Variants in FHIP2A observed in about 807,000 individuals in gnomAD.
FHIP2A encodes family with sequence similarity 160 member B1.
A neutral mutation model predicts 93.5 loss-of-function variants in FHIP2A; 46 were observed. That is an observed-to-expected ratio of 0.49 (90% CI 0.39 to 0.63). FHIP2A has a LOEUF of 0.63. FHIP2A is among the 20% of genes least tolerant of loss of function. The pLI is 0.00. For missense variants in FHIP2A, 769 were observed against 909.7 expected (o/e 0.85, Z 1.99); for synonymous variants, 332 against 326.5 (o/e 1.02, Z -0.18).
intron 6 of FHIP2A, 84 bp downstream of exon 6, chr10:114,843,310 TTA>T: frequency 1.0e-6 from 1 of 975,212 alleles, no homozygotes. Flanking sequence ...AATTTTTAAT[TTA>T]TTTTTTTTTT....
At chr10:114,828,172 A>G (rs942774364) in intron 1 of FHIP2A, among the ~76,000 whole-genome samples, 6 of 152,170 alleles carry the variant, frequency 3.9e-5, no homozygotes, top group African/African-American at 1.4e-4. Context: ...GCAATTGAGA[A>G]CTGTTTAACT....
At chr10:114,847,747 C>A (rs1047703676) in intron 12 of FHIP2A, among the ~76,000 whole-genome samples, 1 of 141,230 alleles carries the variant, frequency 7.1e-6, no homozygotes, top group Non-Finnish European at 1.6e-5. Context: ...TTCCCTCCCC[C>A]ACCTTTTTTT....
chr10:114,891,535 ATATGTGTGTGTGTGTGTG>A (rs2083974068), intron 16 of FHIP2A, among the ~76,000 whole-genome samples: 1 of 126,438 alleles, frequency 7.9e-6, no homozygotes, highest in Admixed American at 8.9e-5. Context: ...ATATATATAT[ATATGTGTGTGTGTGTGTG>A]TGTGTGTGTG....
chr10:114,857,259 G>A (rs566253638), intron 14 of FHIP2A, among the ~76,000 whole-genome samples: 9 of 151,188 alleles, frequency 6.0e-5, no homozygotes, highest in African/African-American at 9.7e-5. Flanking sequence ...CATTTTTGCC[G>A]GAAGTGATAC....
At chr10:114,873,399 C>T (rs1380609079) in intron 16 of FHIP2A, among the ~76,000 whole-genome samples, 2 of 152,064 alleles carry the variant, frequency 1.3e-5, no homozygotes, top group Non-Finnish European at 2.9e-5. Flanking sequence ...GGGCTTGATC[C>T]CCTGGCTGAA....
intron 7 of FHIP2A, among the ~76,000 whole-genome samples, chr10:114,844,282 A>G (rs750404075): frequency 2.0e-5 from 3 of 152,216 alleles, no homozygotes; most frequent in Non-Finnish European, 4.4e-5. Context: ...AGAGCAGTCT[A>G]ATCTGTCTCC....
chr10:114,893,276 A>G (rs975851406), intron 16 of FHIP2A, among the ~76,000 whole-genome samples: 1 of 152,216 alleles, frequency 6.6e-6, no homozygotes. Flanking sequence ...TTAAAATCGC[A>G]TATTTCTGAG....
At chr10:114,880,426 T>C (rs984269035) in intron 16 of FHIP2A, among the ~76,000 whole-genome samples, 1 of 152,140 alleles carries the variant, frequency 6.6e-6, no homozygotes, top group South Asian at 2.1e-4. Context: ...ATGCCTGTAA[T>C]CCCAGCACTT....
chr10:114,841,580 C>T (rs1451103102), intron 5 of FHIP2A, among the ~76,000 whole-genome samples: 4 of 152,070 alleles, frequency 2.6e-5, no homozygotes, highest in African/African-American at 7.2e-5. Flanking sequence ...CCACTGCACC[C>T]GGCCAATATG....
At chr10:114,895,799 A>G (rs2083998274) in intron 16 of FHIP2A, among the ~76,000 whole-genome samples, 1 of 152,186 alleles carries the variant, frequency 6.6e-6, no homozygotes, top group South Asian at 2.1e-4. Context: ...AAAGATTCTG[A>G]TTTGAGGTCT....
intron 14 of FHIP2A, among the ~76,000 whole-genome samples, chr10:114,859,871 T>G (rs1010581141): frequency 6.6e-6 from 1 of 152,194 alleles, no homozygotes; most frequent in Non-Finnish European, 1.5e-5. Flanking sequence ...TTGAACCTTC[T>G]CATCCACTTT....
At chr10:114,829,105 A>G (rs1210404703) in intron 1 of FHIP2A, among the ~76,000 whole-genome samples, 1 of 152,196 alleles carries the variant, frequency 6.6e-6, no homozygotes, top group Non-Finnish European at 1.5e-5. Context: ...TGTTTAGAGG[A>G]AGTCTATGAA....
rs1344943434 is a variant in FHIP2A, at chr10:114,855,255, T to C, written c.1862T>C (p.Leu621Ser). The change falls in exon 14 of 17, where the codon TTG (leucine) becomes TCG (serine). Residue 621 changes from leucine to serine, a missense_variant. Transcript: ENST00000369248. ...RWEWPGSPKALEKCNLEAAFF... is the reference protein window; with the variant it reads ...RWEWPGSPKASEKCNLEAAFF... ...GAGTGGCCTGGGTCTCCAAAAGCATTGGAAAAGTGCAATTTAGAAGCTGCT... is the reference window on the plus strand; with the variant it reads ...GAGTGGCCTGGGTCTCCAAAAGCATCGGAAAAGTGCAATTTAGAAGCTGCT... 3 of 1,613,984 alleles carry C rather than the reference T, an allele frequency of 1.9e-6. No homozygotes were observed. Among genetic ancestry groups the C allele is most frequent in the Non-Finnish European group, 2.5e-6 (3 of 1,179,966 alleles).
At position 114,863,504 on chromosome 10, in the gene FHIP2A, A is replaced by C; in HGVS notation, c.*1964A>C. 2 of 1,138,160 alleles carry C rather than the reference A, an allele frequency of 1.8e-6. No homozygotes were observed. The highest frequency in any genetic ancestry group is 2.2e-6 in the Non-Finnish European group (2 of 919,392). 70.5% of individuals were successfully genotyped at this position (1,138,160 alleles called of 1,614,324 possible). ...CAAGCTCAGAAAAGCTTTAACTCTT[A>C]TATTTGTGTATATGTATGCTGCTTC... On this transcript the variant is annotated 3_prime_UTR_variant, in exon 17 of 17. Coordinates refer to ENST00000369248, the MANE Select transcript of FHIP2A (RefSeq NM_020940.4).
At chr10:114,871,127 TTA>T (rs1555246784) in intron 16 of FHIP2A, among the ~76,000 whole-genome samples, 6 of 148,198 alleles carry the variant, frequency 4.0e-5, no homozygotes, top group African/African-American at 1.5e-4. Flanking sequence ...TATATATATA[TTA>T]TATATATATA....
chr10:114,875,879 GAAAA>G (rs2083884747), intron 16 of FHIP2A, among the ~76,000 whole-genome samples: 1 of 99,370 alleles, frequency 1.0e-5, no homozygotes, highest in South Asian at 3.1e-4. Context: ...GAGAAAGAAA[GAAAA>G]GAAAGAGAGA....
intron 1 of FHIP2A, among the ~76,000 whole-genome samples, chr10:114,829,045 A>C (rs1404872582): frequency 2.0e-5 from 3 of 152,214 alleles, no homozygotes; most frequent in Non-Finnish European, 4.4e-5. Context: ...CAAGAAATCA[A>C]AATGGTACCA....
intron 5 of FHIP2A, among the ~76,000 whole-genome samples, chr10:114,840,588 A>G (rs2083663137): frequency 6.6e-6 from 1 of 152,230 alleles, no homozygotes; most frequent in Admixed American, 6.5e-5. Flanking sequence ...GGCAAGAAGT[A>G]ACAAGGACTA....
chr10:114,825,968 G>A (rs933709632), intron 1 of FHIP2A, among the ~76,000 whole-genome samples: 5 of 152,322 alleles, frequency 3.3e-5, no homozygotes, highest in Non-Finnish European at 5.9e-5. Context: ...TAAGTGCAAT[G>A]TTTTCTTTTC....
Sources: gnomAD v4.1 joint callset for allele counts (sites outside exome capture counted in the v4.1 genomes callset) on GRCh38, gnomAD v4.1.1 for gene constraint, MANE v1.5 for transcripts, NCBI Gene and HGNC (gene_info 2026-07-23, HGNC 2026-07-21) for gene names.